MRPS18B: variants seen among roughly 807,000 people sequenced by gnomAD.
MRPS18B encodes the protein small ribosomal subunit protein mS40.
MRPS18B carries 27 observed loss-of-function variants against 28.4 expected under a neutral mutation model. The ratio of observed to expected loss-of-function variants is 0.95; its 90% CI spans 0.70 to 1.31. The LOEUF (loss-of-function observed/expected upper bound fraction) is 1.31. Among genes scored for constraint, MRPS18B ranks in the 40% most tolerant of loss-of-function variants. The pLI is 0.00. For missense variants in MRPS18B, 343 were observed against 335.9 expected (o/e 1.02, Z -0.17); for synonymous variants, 118 against 123.7 (o/e 0.95, Z 0.30).
intron 1 of MRPS18B, among the ~76,000 whole-genome samples, chr6:30,618,947 C>T (rs1400733587): frequency 1.3e-5 from 2 of 151,990 alleles, no homozygotes; most frequent in African/African-American, 4.8e-5. Flanking sequence ...TACACGAAAT[C>T]TCACTCTGTT....
At chr6:30,618,024 C>A in intron 1 of MRPS18B, 81 bp downstream of exon 1, 1 of 1,447,528 alleles carries the variant, frequency 6.9e-7, no homozygotes, top group Non-Finnish European at 9.7e-7. Flanking sequence ...CAGGAATCCA[C>A]GAGTGGAGAC....
chr6:30,625,993 T>C lies in MRPS18B; in HGVS notation c.*196T>C, dbSNP rs1761559208. On this transcript the variant is annotated 3_prime_UTR_variant, in exon 7 of 7. Coordinates refer to ENST00000259873, the MANE Select transcript of MRPS18B (RefSeq NM_014046.4). ...GGTGCACACCTGTAGTCTCAACTAT[T>C]GGGGAGGCTAAGGTAGGATCACTTG... 1 of 580,052 alleles carries C rather than the reference T, an allele frequency of 1.7e-6. No homozygotes were observed. Among genetic ancestry groups the C allele is most frequent in the East Asian group, 2.9e-5 (1 of 34,140 alleles). The allele number at this position is 580,052 out of a possible 1,614,324, so 35.9% of individuals were successfully genotyped here. A position where few individuals can be genotyped will look rare whatever the true frequency, so the allele number is the denominator to read the frequency against.
intron 5 of MRPS18B, 114 bp downstream of exon 5, chr6:30,623,012 G>A: frequency 9.5e-7 from 1 of 1,056,920 alleles, no homozygotes; most frequent in Non-Finnish European, 1.4e-6. Flanking sequence ...TAAAAGGTCT[G>A]GCTGAACCTT....
chr6:30,621,370 C>T (rs1761148161), intron 4 of MRPS18B, among the ~76,000 whole-genome samples: 1 of 152,238 alleles, frequency 6.6e-6, no homozygotes, highest in Admixed American at 6.5e-5. Context: ...CCACTGCACT[C>T]CAGCCTGGGC....
At position 30,625,538 on chromosome 6, in the gene MRPS18B, G is replaced by A. The variant is rs775494184; in HGVS notation, c.518G>A (p.Arg173Gln). The stretch of plus-strand genomic sequence containing the variant: ...TACCACATCCCCCAGGTTGAACCAC[G>A]GGACCTTGACTTCAGTACCTCTCAT... ...LIYHIPQVEPRDLDFSTSHGA... is the reference protein window; with the variant it reads ...LIYHIPQVEPQDLDFSTSHGA... The change falls in exon 7 of 7, where the codon CGG becomes CAG. Residue 173 changes from arginine to glutamine, a missense_variant. Coordinates refer to ENST00000259873, the MANE Select transcript of MRPS18B (RefSeq NM_014046.4). The A allele has an allele frequency of 2.1e-5, 33 of 1,581,594 alleles. No individual in the cohort carries two copies. The South Asian group carries it at 2.3e-4, about 11-fold the overall frequency.
At chr6:30,624,480 C>G (rs1413269063) in intron 5 of MRPS18B, among the ~76,000 whole-genome samples, 1 of 152,206 alleles carries the variant, frequency 6.6e-6, no homozygotes, top group African/African-American at 2.4e-5. Flanking sequence ...TATAGTCAAG[C>G]TGTAAAGGCT....
intron 5 of MRPS18B, 87 bp downstream of exon 5, chr6:30,622,985 G>C: frequency 7.5e-7 from 1 of 1,338,888 alleles, no homozygotes; most frequent in Non-Finnish European, 1.1e-6. Context: ...TTTGTTCAGT[G>C]GCTCCTGCTT....
intron 1 of MRPS18B, chr6:30,618,473 T>C (rs1483187383): frequency 2.6e-5 from 4 of 154,594 alleles, no homozygotes; most frequent in African/African-American, 9.7e-5. Flanking sequence ...CTCAGCTCTC[T>C]TTATTAAATC....
Position 30,622,895 on chromosome 6 carries a change from A to G in MRPS18B, c.418A>G (p.Thr140Ala). 1 of 1,612,956 alleles carries G rather than the reference A, an allele frequency of 6.2e-7. No homozygotes were observed. Among genetic ancestry groups the G allele is most frequent in the Non-Finnish European group, 8.5e-7 (1 of 1,179,940 alleles). Residue 140 changes from threonine to alanine, a missense_variant, in exon 5 of 7, where the codon ACA becomes GCA. Coordinates refer to ENST00000259873, the MANE Select transcript of MRPS18B (RefSeq NM_014046.4). ...GGGTATCATCTTCTATGCTCCATAC[A>G]CAGGTTAGCCCATCATCCCTGCACC... ...HTGIIFYAPY[T>A]GVCVKQHKRL...
In MRPS18B at chr6:30,624,134, C is replaced by T. The variant is rs557911895; in HGVS notation, c.422-749C>T. ...ATGAAATCTCATTTACTCTGTCACCCAAGGCTGGAGTGCAGTGGCATGATC... is the reference window on the plus strand; with the variant it reads ...ATGAAATCTCATTTACTCTGTCACCTAAGGCTGGAGTGCAGTGGCATGATC... On this transcript the variant is annotated intron_variant, in intron 5 of 6. Coordinates refer to ENST00000259873, the MANE Select transcript of MRPS18B (RefSeq NM_014046.4). Among the ~76,000 whole-genome samples, 66 of 151,058 alleles carry T rather than the reference C, an allele frequency of 4.4e-4. 2 individuals carry two copies. Among genetic ancestry groups the T allele is most frequent in the South Asian group, 3.3e-3 (16 of 4,788 alleles).
intron 4 of MRPS18B, among the ~76,000 whole-genome samples, chr6:30,622,227 A>G: frequency 6.6e-6 from 1 of 152,120 alleles, no homozygotes; most frequent in East Asian, 1.9e-4. Context: ...GGGATTTCCA[A>G]TGACCAGCCC....
chr6:30,619,608 C>T lies in MRPS18B; in HGVS notation c.187+7C>T. 1.2e-6 allele frequency: 2 copies of T among 1,611,636 alleles called. No homozygotes were observed. Among genetic ancestry groups the T allele is most frequent in the Non-Finnish European group, 1.7e-6 (2 of 1,178,726 alleles). Reference sequence around the variant, plus strand: ...AAATATCTGGAATCAGAAGGTACCTCTAAAGGGGGAAAGGGAGGGTCAGAT... The same window carrying T: ...AAATATCTGGAATCAGAAGGTACCTTTAAAGGGGGAAAGGGAGGGTCAGAT... On this transcript the variant is annotated splice_region_variant and intron_variant, in intron 2 of 6. Coordinates refer to ENST00000259873, the MANE Select transcript of MRPS18B (RefSeq NM_014046.4).
chr6:30,625,710 C>T lies in MRPS18B; in HGVS notation c.690C>T (p.Pro230=), dbSNP rs1761516587. 1.2e-6 allele frequency: 2 copies of T among 1,613,068 alleles called. No homozygotes were observed. Among genetic ancestry groups the T allele is most frequent in the South Asian group, 2.2e-5 (2 of 91,086 alleles). ...GTCATCTCCAAGAAGAGAGTGGCCC[C>T]CCACCTGAGTCAATGCCCAAGATGC... ...YQGHLQEESG[P]PPESMPKMPP... is the part of the protein sequence containing the mutation. The change falls in exon 7 of 7, where the codon CCC becomes CCT. Residue 230 remains proline, a synonymous_variant. Transcript: ENST00000259873.
At chr6:30,625,388 A>G in intron 6 of MRPS18B, 114 bp from the exon 7 acceptor site, 2 of 1,095,278 alleles carry the variant, frequency 1.8e-6, no homozygotes, top group Non-Finnish European at 2.6e-6. Context: ...TACAACATGC[A>G]TAAATGTACC....
chr6:30,621,630 A>G (rs910110018), intron 4 of MRPS18B, among the ~76,000 whole-genome samples: 1 of 152,252 alleles, frequency 6.6e-6, no homozygotes, highest in Non-Finnish European at 1.5e-5. Context: ...CCCAGTTTCA[A>G]TTGCATATAA....
At chr6:30,622,741 G>T in intron 4 of MRPS18B, 91 bp from the exon 5 acceptor site, 1 of 1,198,576 alleles carries the variant, frequency 8.3e-7, no homozygotes, top group Admixed American at 1.7e-5. Context: ...GTCCATGTGG[G>T]TGTGTAGGGA....
chr6:30,620,037 G>C (rs1223239698), intron 4 of MRPS18B, 48 bp downstream of exon 4: 4 of 1,585,242 alleles, frequency 2.5e-6, no homozygotes, highest in Non-Finnish European at 2.6e-6. Flanking sequence ...AAGATTAGGG[G>C]CTGGGCGCGG....
chr6:30,621,786 A>G (rs1389308114), intron 4 of MRPS18B, among the ~76,000 whole-genome samples: 1 of 152,128 alleles, frequency 6.6e-6, no homozygotes, highest in African/African-American at 2.4e-5. Context: ...TCTACTAAAA[A>G]TACAAAAAAA....
In MRPS18B at chr6:30,625,517, A is replaced by G. The variant is rs1761482336; in HGVS notation, c.497A>G (p.His166Arg). Residue 166 changes from histidine to arginine, a missense_variant, in exon 7 of 7, where the codon CAC becomes CGC. By Grantham distance (29) the His-to-Arg change is conservative. Transcript: ENST00000259873. ...AATCCCTTAGGTCTCCTCATTTACC[A>G]CATCCCCCAGGTTGAACCACGGGAC... is the stretch of plus-strand genomic sequence containing the variant. ...KARDHGLLIYHIPQVEPRDLD... is the reference protein window; with the variant it reads ...KARDHGLLIYRIPQVEPRDLD... 1.9e-6 allele frequency: 3 copies of G among 1,564,774 alleles called. No homozygotes were observed. Among genetic ancestry groups the G allele is most frequent in the Non-Finnish European group, 2.6e-6 (3 of 1,149,430 alleles).
Sources: gnomAD v4.1 joint callset for allele counts (sites outside exome capture counted in the v4.1 genomes callset) on GRCh38, gnomAD v4.1.1 for gene constraint, MANE v1.5 for transcripts, NCBI Gene and HGNC (gene_info 2026-07-23, HGNC 2026-07-21) for gene names.